The following SKAP2 variants were observed in gnomAD, a reference collection of about 807,000 sequenced individuals.
SKAP2 encodes the protein src kinase associated phosphoprotein 2, also known as src kinase-associated phosphoprotein 2.
In SKAP2, 28 loss-of-function variants were observed where a neutral mutation model predicts 54.9. The ratio of observed to expected loss-of-function variants is 0.51; its 90% CI spans 0.38 to 0.70. The LOEUF is 0.70. Among genes scored for constraint, SKAP2 ranks in the 30% least tolerant of loss-of-function variants. The pLI is 0.00. For synonymous variants in SKAP2, 137 were observed against 134.3 expected (o/e 1.02, Z -0.14); for missense variants, 356 against 424.1 (o/e 0.84, Z 1.41).
At chr7:26,802,234 T>C (rs1206447480) in intron 4 of SKAP2, among the ~76,000 whole-genome samples, 1 of 148,144 alleles carries the variant, frequency 6.8e-6, no homozygotes, top group Non-Finnish European at 1.5e-5. Context: ...ACAAAGGTAC[T>C]AAGAACATAG....
intron 11 of SKAP2, among the ~76,000 whole-genome samples, chr7:26,672,444 C>T (rs1467037412): frequency 6.6e-6 from 1 of 151,594 alleles, no homozygotes; most frequent in Non-Finnish European, 1.5e-5. Context: ...TAAACAAATC[C>T]CTTAAAAGTT....
chr7:26,718,322 A>G (rs951502657), intron 9 of SKAP2, among the ~76,000 whole-genome samples: 3 of 152,022 alleles, frequency 2.0e-5, no homozygotes, highest in Non-Finnish European at 1.5e-5. Context: ...TGAAAGGAAG[A>G]AAATTTTACA....
intron 4 of SKAP2, among the ~76,000 whole-genome samples, chr7:26,798,019 A>G (rs1783819086): frequency 6.6e-6 from 1 of 151,886 alleles, no homozygotes. Context: ...AGACAAAAGA[A>G]AAAAGAATAA....
intron 4 of SKAP2, among the ~76,000 whole-genome samples, chr7:26,786,728 T>C (rs1328373324): frequency 6.6e-6 from 1 of 152,232 alleles, no homozygotes; most frequent in African/African-American, 2.4e-5. Context: ...ATGCAAATTA[T>C]CTCAGTCTGT....
At chr7:26,694,707 G>A (rs1203444506) in intron 9 of SKAP2, among the ~76,000 whole-genome samples, 1 of 149,808 alleles carries the variant, frequency 6.7e-6, no homozygotes. Flanking sequence ...ATAGATATTT[G>A]GCCTTCTCTC....
chr7:26,846,912 G>A (rs1784933875), intron 3 of SKAP2, among the ~76,000 whole-genome samples: 1 of 152,162 alleles, frequency 6.6e-6, no homozygotes, highest in African/African-American at 2.4e-5. Flanking sequence ...AACCTGGGAG[G>A]CGGTGAGCCA....
At position 26,757,531 on chromosome 7, in the gene SKAP2, T is replaced by C. The variant is rs912072173; in HGVS notation, c.308-17567A>G. Among the ~76,000 whole-genome samples the C allele has an allele frequency of 2.0e-5, 3 of 152,198 alleles. 1 individual carries two copies. The highest frequency in any genetic ancestry group is 7.2e-5 in the African/African-American group (3 of 41,454). ...CGCTCTGTTCTGTTCCATTGGTCTA[T>C]ATCTCTGTTTTTGGTACCAGTACCA... On this transcript the variant is annotated intron_variant, in intron 4 of 12. Transcript: ENST00000345317.
At chr7:26,773,764 T>A (rs1783239661) in intron 4 of SKAP2, among the ~76,000 whole-genome samples, 1 of 152,142 alleles carries the variant, frequency 6.6e-6, no homozygotes, top group South Asian at 2.1e-4. Context: ...TTATCTCACA[T>A]CTCAGTTTAT....
At chr7:26,778,832 T>G (rs1783367195) in intron 4 of SKAP2, among the ~76,000 whole-genome samples, 1 of 151,600 alleles carries the variant, frequency 6.6e-6, no homozygotes. Flanking sequence ...CAAAATAAAT[T>G]TATTTCCTCT....
At chr7:26,828,155 C>A (rs1235608519) in intron 4 of SKAP2, among the ~76,000 whole-genome samples, 1 of 152,026 alleles carries the variant, frequency 6.6e-6, no homozygotes, top group Non-Finnish European at 1.5e-5. Flanking sequence ...AGAAAGTCAA[C>A]AAAATGATCT....
At chr7:26,799,127 AG>A (rs1783852177) in intron 4 of SKAP2, among the ~76,000 whole-genome samples, 1 of 151,320 alleles carries the variant, frequency 6.6e-6, no homozygotes, top group African/African-American at 2.4e-5. Context: ...AGGCAAGGCA[AG>A]GCAAGGCAAG....
chr7:26,684,878 A>G, intron 10 of SKAP2, 30 bp from the exon 11 acceptor site: 3 of 1,317,774 alleles, frequency 2.3e-6, no homozygotes, highest in Non-Finnish European at 3.3e-6. Context: ...AGCATGAATT[A>G]GGGCCTTCAT....
At position 26,690,296 on chromosome 7, in the gene SKAP2, T is replaced by G. The variant is rs1196651072; in HGVS notation, c.863A>C (p.His288Pro). ...EQRKMSQDSV[H>P]HTSGDKSTDY... is the part of the protein sequence containing the mutation. ...ACACAAGTCATTACCTGAGGTGTGATGGACACTATCCTGACTCATCTTCCT... is the reference window on the plus strand; with the variant it reads ...ACACAAGTCATTACCTGAGGTGTGAGGGACACTATCCTGACTCATCTTCCT... Residue 288 changes from histidine (H) to proline (P), a missense_variant, in exon 10 of 13, where the codon CAT (histidine) becomes CCT (proline). By Grantham distance (77) the His-to-Pro change is moderately conservative. Transcript: ENST00000345317. 1 of 1,608,056 alleles carries G rather than the reference T, an allele frequency of 6.2e-7. No homozygotes were observed.
At chr7:26,799,835 A>G (rs1431017314) in intron 4 of SKAP2, among the ~76,000 whole-genome samples, 1 of 152,112 alleles carries the variant, frequency 6.6e-6, no homozygotes, top group Admixed American at 6.5e-5. Flanking sequence ...TAAAACATTC[A>G]AAAAAACAGG....
intron 11 of SKAP2, among the ~76,000 whole-genome samples, chr7:26,672,885 G>A (rs1036698750): frequency 2.0e-5 from 3 of 151,916 alleles, no homozygotes; most frequent in African/African-American, 7.2e-5. Flanking sequence ...ACTTTGGCCT[G>A]AACATTCAAT....
intron 4 of SKAP2, among the ~76,000 whole-genome samples, chr7:26,761,103 A>G (rs1782919969): frequency 6.6e-6 from 1 of 152,180 alleles, no homozygotes; most frequent in Non-Finnish European, 1.5e-5. Flanking sequence ...ACTGGTCTTT[A>G]AAAATAAATC....
chr7:26,792,968 G>T (rs1288970272), intron 4 of SKAP2, among the ~76,000 whole-genome samples: 2 of 152,148 alleles, frequency 1.3e-5, no homozygotes, highest in South Asian at 2.1e-4. Context: ...TTCATAAAAA[G>T]AATGTAATAA....
At chr7:26,725,280 T>G (rs1182421062) in intron 9 of SKAP2, 148 bp downstream of exon 9, 1 of 519,200 alleles carries the variant, frequency 1.9e-6, no homozygotes, top group Non-Finnish European at 3.3e-6. Context: ...AAATAGAGTT[T>G]TGAAGATATT....
At chr7:26,798,678 T>C (rs1049086204) in intron 4 of SKAP2, among the ~76,000 whole-genome samples, 5 of 152,122 alleles carry the variant, frequency 3.3e-5, no homozygotes, top group African/African-American at 1.2e-4. Context: ...GACTAAATGA[T>C]GAACCAATCA....
Sources: gnomAD v4.1 joint callset for allele counts (sites outside exome capture counted in the v4.1 genomes callset) on GRCh38, gnomAD v4.1.1 for gene constraint, MANE v1.5 for transcripts, NCBI Gene and HGNC (gene_info 2026-07-23, HGNC 2026-07-21) for gene names.